The following ATP10B variants were observed in gnomAD, a reference collection of about 807,000 sequenced individuals.
ATP10B encodes phospholipid-transporting ATPase VB.
A neutral mutation model predicts 141.2 loss-of-function variants in ATP10B; 122 were observed. The ratio of observed to expected loss-of-function variants is 0.86; its 90% CI spans 0.75 to 1.00. The LOEUF (loss-of-function observed/expected upper bound fraction) is 1.00. ATP10B is among the 50% of genes least tolerant of loss of function. The probability of loss-of-function intolerance (pLI) is 0.00; values close to 1 mark genes in which losing one functional copy is unlikely to be tolerated. For missense variants in ATP10B, 1,876 were observed against 1,825.3 expected, an observed-to-expected ratio of 1.03 and a Z score of -0.51; for synonymous variants, 685 against 692.0, an observed-to-expected ratio of 0.99 and a Z score of 0.16.
rs571426149 is a variant in ATP10B at position 160,753,481 on chromosome 5, A to G, written c.-331+32078T>C. On this transcript the variant is annotated intron_variant, in intron 2 of 25. Transcript: ENST00000327245. ...CTGATATACATAATTACAATCTCAC[A>G]TTAGTTATTATTCTCTATTTGCTTT... 1.3e-3 allele frequency among the ~76,000 whole-genome samples: 192 copies of G among 152,306 alleles called. 1 individual carries two copies. Among genetic ancestry groups the G allele is most frequent in the African/African-American group, 4.5e-3 (186 of 41,574 alleles).
the ATP10B span, among the ~76,000 whole-genome samples, chr5:160,895,564 C>A: frequency 1.3e-5 from 2 of 152,034 alleles, no homozygotes; most frequent in African/African-American, 2.4e-5. Flanking sequence ...TCTTAGGGAC[C>A]TAAAGAGAGA....
At chr5:160,924,428 C>A in the ATP10B span, among the ~76,000 whole-genome samples, 1 of 152,132 alleles carries the variant, frequency 6.6e-6, no homozygotes, top group South Asian at 2.1e-4. Context: ...ATTACATGAA[C>A]TAATTAAGTA....
At chr5:160,789,687 G>A (rs183839491) in intron 1 of ATP10B, among the ~76,000 whole-genome samples, 6 of 152,132 alleles carry the variant, frequency 3.9e-5, no homozygotes, top group Admixed American at 3.9e-4. Flanking sequence ...CGTAATTATT[G>A]GCTACAGATT....
chr5:160,586,129 G>T (rs1370482746), intron 24 of ATP10B, among the ~76,000 whole-genome samples: 1 of 152,194 alleles, frequency 6.6e-6, no homozygotes, highest in South Asian at 2.1e-4. Context: ...CCCTCCGCTT[G>T]TTCCCCACCT....
intron 13 of ATP10B, among the ~76,000 whole-genome samples, chr5:160,623,536 T>C (rs1758462028): frequency 1.3e-5 from 2 of 151,992 alleles, no homozygotes; most frequent in Admixed American, 1.3e-4. Context: ...TTTTTTTTTT[T>C]TCTTTTCCTC....
chr5:160,865,548 T>C, the ATP10B span, among the ~76,000 whole-genome samples: 1 of 151,728 alleles, frequency 6.6e-6, no homozygotes, highest in Non-Finnish European at 1.5e-5. Flanking sequence ...CAAAATCAAA[T>C]GCAACAAAAA....
Position 160,602,575 on chromosome 5 carries a change from A to C in ATP10B, c.3363+2T>G, listed in dbSNP as rs541279017. 9 of 1,613,738 alleles carry C rather than the reference A, an allele frequency of 5.6e-6. No individual in the cohort carries two copies. The South Asian group carries it at 8.8e-5, about 16-fold the overall frequency. On this transcript the variant is annotated splice_donor_variant, in intron 21 of 25. Coordinates refer to ENST00000327245, the MANE Select transcript of ATP10B (RefSeq NM_025153.3). LOFTEE classifies it high-confidence loss of function. ...GGTGAGAGGACGCCATAGGCTACTTACCACGTTCTTGTAGAGGTAGTACAC... is the reference window on the plus strand; with the variant it reads ...GGTGAGAGGACGCCATAGGCTACTTCCCACGTTCTTGTAGAGGTAGTACAC...
intron 3 of ATP10B, among the ~76,000 whole-genome samples, chr5:160,699,742 G>A (rs987663704): frequency 3.3e-5 from 5 of 152,086 alleles, no homozygotes; most frequent in Non-Finnish European, 7.4e-5. Flanking sequence ...AAGAATTAAG[G>A]AGAAAAGGAA....
At chr5:160,656,639 A>G (rs1265550472) in intron 7 of ATP10B, among the ~76,000 whole-genome samples, 1 of 152,164 alleles carries the variant, frequency 6.6e-6, no homozygotes, top group African/African-American at 2.4e-5. Flanking sequence ...TTTGGTTTTA[A>G]TATATATTCT....
At chr5:160,867,825 GA>G in the ATP10B span, among the ~76,000 whole-genome samples, 4 of 151,950 alleles carry the variant, frequency 2.6e-5, no homozygotes, top group Non-Finnish European at 4.4e-5. Flanking sequence ...AAGAATATAG[GA>G]AAAAATAAAA....
At chr5:160,819,039 A>C (rs1441577819) in intron 1 of ATP10B, among the ~76,000 whole-genome samples, 1 of 152,158 alleles carries the variant, frequency 6.6e-6, no homozygotes, top group Non-Finnish European at 1.5e-5. Flanking sequence ...TAGGAGATAT[A>C]CCTAATGCTA....
rs71285017 is a variant in ATP10B at position 160,767,051 on chromosome 5, G to GA, written c.-331+18507dup. On this transcript the variant is annotated intron_variant, in intron 2 of 25. Transcript: ENST00000327245. ...CTTTTGGCTTCGCCGGGCCACAATG[G>GA]AAAAAAAAAAGGAATTGTCTTGGGC... Among the ~76,000 whole-genome samples, 1,239 of 144,644 alleles carry GA rather than the reference G, an allele frequency of 8.6e-3. 5 individuals are homozygous for GA. The highest frequency in any genetic ancestry group is 0.032 in the Middle Eastern group (9 of 284). The allele number at this position is 144,644 out of a possible 152,430, so 94.9% of individuals were successfully genotyped here.
intron 2 of ATP10B, among the ~76,000 whole-genome samples, chr5:160,741,533 G>C (rs1767480542): frequency 6.6e-6 from 1 of 152,182 alleles, no homozygotes; most frequent in Non-Finnish European, 1.5e-5. Context: ...AGGGTAAACA[G>C]CCTGTCAACT....
intron 2 of ATP10B, among the ~76,000 whole-genome samples, chr5:160,724,975 CAG>C (rs1766234792): frequency 6.6e-6 from 1 of 152,276 alleles, no homozygotes; most frequent in South Asian, 2.1e-4. Flanking sequence ...TATATGAAAA[CAG>C]GGACTTTTGT....
At chr5:160,602,128 G>C (rs759062346) in intron 21 of ATP10B, among the ~76,000 whole-genome samples, 1 of 152,118 alleles carries the variant, frequency 6.6e-6, no homozygotes, top group Non-Finnish European at 1.5e-5. Flanking sequence ...TAAAAAAAAG[G>C]CTAACTTTAT....
chr5:160,905,114 T>C, the ATP10B span, among the ~76,000 whole-genome samples: 1 of 152,226 alleles, frequency 6.6e-6, no homozygotes, highest in Non-Finnish European at 1.5e-5. Flanking sequence ...GCTATTTACA[T>C]ACTACTGTAT....
the ATP10B span, among the ~76,000 whole-genome samples, chr5:160,926,844 G>A: frequency 5.3e-5 from 8 of 152,334 alleles, no homozygotes; most frequent in South Asian, 4.1e-4. Flanking sequence ...TTGGTACTGT[G>A]GATTTTCTGC....
At chr5:160,749,364 C>T (rs1322538863) in intron 2 of ATP10B, among the ~76,000 whole-genome samples, 2 of 152,170 alleles carry the variant, frequency 1.3e-5, no homozygotes, top group East Asian at 3.9e-4. Flanking sequence ...GAGAGCTAGA[C>T]ACGCATGGCA....
chr5:160,847,748 C>CA (rs1659125121), intron 1 of ATP10B, among the ~76,000 whole-genome samples: 1 of 152,124 alleles, frequency 6.6e-6, no homozygotes, highest in South Asian at 2.1e-4. Context: ...AATGCATCAG[C>CA]AATTCAGAAG....
Sources: allele counts gnomAD v4.1 joint callset (sites outside exome capture counted in the v4.1 genomes callset), GRCh38; gene constraint gnomAD v4.1.1; transcripts MANE v1.5; gene names NCBI Gene and HGNC (gene_info 2026-07-23, HGNC 2026-07-21).